FANK1: variants seen among roughly 807,000 people sequenced by gnomAD.
FANK1 encodes the protein fibronectin type 3 and ankyrin repeat domains protein 1.
Under a neutral mutation model 45.3 loss-of-function variants are expected in FANK1, and 44 were observed. The ratio of observed to expected loss-of-function variants is 0.97; its 90% confidence interval spans 0.76 to 1.25. FANK1 has a LOEUF of 1.25. Ranked by LOEUF, FANK1 falls within the 50% of genes most tolerant of loss-of-function variation. FANK1 has a pLI of 0.00. For missense variants in FANK1, 391 were observed against 424.4 expected (o/e 0.92, Z 0.69); for synonymous variants, 149 against 152.5 (o/e 0.98, Z 0.17).
At chr10:126,001,632 T>G (rs562173701) in intron 6 of FANK1, among the ~76,000 whole-genome samples, 49 of 152,270 alleles carry the variant, frequency 3.2e-4, no homozygotes, top group African/African-American at 1.2e-3. Flanking sequence ...GAGCAGCAGA[T>G]AACAGACCCC....
At chr10:125,941,781 C>T (rs1265055532) in intron 1 of FANK1, among the ~76,000 whole-genome samples, 1 of 152,208 alleles carries the variant, frequency 6.6e-6, no homozygotes, top group Admixed American at 6.5e-5. Flanking sequence ...AAACAAGTCT[C>T]AAAATCATAC....
chr10:125,946,117 T>C (rs960835225), intron 1 of FANK1, among the ~76,000 whole-genome samples: 7 of 151,806 alleles, frequency 4.6e-5, no homozygotes, highest in African/African-American at 1.7e-4. Context: ...TACATCACCA[T>C]CATCAAAGAC....
chr10:125,952,341 G>A (rs1949293887), intron 1 of FANK1, among the ~76,000 whole-genome samples: 1 of 152,172 alleles, frequency 6.6e-6, no homozygotes, highest in South Asian at 2.1e-4. Context: ...GTGTTTGGGT[G>A]TTTGCCCGAA....
At chr10:126,008,662 A>G (rs1953423155) in intron 8 of FANK1, 112 bp downstream of exon 8, 2 of 1,268,106 alleles carry the variant, frequency 1.6e-6, no homozygotes, top group Admixed American at 4.9e-5. Flanking sequence ...CTTGGGTTTG[A>G]CTGTGTGTGT....
At chr10:125,969,670 G>A (rs550123965) in intron 1 of FANK1, among the ~76,000 whole-genome samples, 3 of 151,550 alleles carry the variant, frequency 2.0e-5, no homozygotes, top group Admixed American at 6.6e-5. Flanking sequence ...GGTGTTTCTC[G>A]GAGAGGGGGA....
chr10:125,962,625 TTTTTTA>T (rs1169428708), intron 1 of FANK1, among the ~76,000 whole-genome samples: 4 of 152,178 alleles, frequency 2.6e-5, no homozygotes, highest in African/African-American at 7.2e-5. Flanking sequence ...CAATTTTGTA[TTTTTTA>T]TTTTTAACAG....
At chr10:125,951,519 G>A (rs1239346902) in intron 1 of FANK1, among the ~76,000 whole-genome samples, 3 of 152,172 alleles carry the variant, frequency 2.0e-5, no homozygotes, top group Non-Finnish European at 4.4e-5. Context: ...AAACAAGGCT[G>A]TGCTGACTGT....
intron 1 of FANK1, among the ~76,000 whole-genome samples, chr10:125,940,784 C>T (rs928140720): frequency 7.9e-5 from 12 of 152,198 alleles, no homozygotes; most frequent in Admixed American, 5.2e-4. Context: ...TGCGGCTTTC[C>T]GCAGTGCGTT....
chr10:125,936,225 C>A (rs975643504), intron 1 of FANK1, among the ~76,000 whole-genome samples: 2 of 152,054 alleles, frequency 1.3e-5, no homozygotes, highest in African/African-American at 4.8e-5. Context: ...GACAATAATC[C>A]TGATTTCCAT....
intron 1 of FANK1, among the ~76,000 whole-genome samples, chr10:125,910,308 A>G (rs1179468807): frequency 1.3e-5 from 2 of 152,062 alleles, no homozygotes; most frequent in East Asian, 3.9e-4. Context: ...CTTTTTTTAC[A>G]CTTTGTTTTC....
chr10:125,971,022 T>C (rs113758152), intron 1 of FANK1, among the ~76,000 whole-genome samples: 1 of 152,204 alleles, frequency 6.6e-6, no homozygotes, highest in East Asian at 1.9e-4. Flanking sequence ...TTAGCTGTAT[T>C]ATAAAACTTG....
intron 6 of FANK1, among the ~76,000 whole-genome samples, chr10:126,001,581 C>T (rs1952762059): frequency 6.6e-6 from 1 of 152,136 alleles, no homozygotes; most frequent in Admixed American, 6.5e-5. Context: ...GGCCACTCTC[C>T]CCTTCTCCCA....
chr10:125,948,531 T>A (rs576440171), intron 1 of FANK1, among the ~76,000 whole-genome samples: 2 of 152,200 alleles, frequency 1.3e-5, no homozygotes, highest in African/African-American at 4.8e-5. Flanking sequence ...GATAAATTCC[T>A]CAACACATAC....
intron 1 of FANK1, among the ~76,000 whole-genome samples, chr10:125,971,527 TTTCCTTGGGG>T (rs1410285226): frequency 6.6e-6 from 1 of 151,962 alleles, no homozygotes; most frequent in Non-Finnish European, 1.5e-5. Flanking sequence ...CATTTAAAAA[TTTCCTTGGGG>T]TTCAAGCCAG....
chr10:125,903,600 C>CGG (rs111536317), intron 1 of FANK1, among the ~76,000 whole-genome samples: 2 of 144,916 alleles, frequency 1.4e-5, no homozygotes, highest in African/African-American at 5.3e-5. Flanking sequence ...GAAGCTGAGG[C>CGG]GGGGGGACTG....
chr10:125,977,358 G>A (rs1298905438), intron 1 of FANK1, among the ~76,000 whole-genome samples: 14 of 152,188 alleles, frequency 9.2e-5, no homozygotes, highest in Admixed American at 7.2e-4. Flanking sequence ...GTATGTTAAT[G>A]AGGTGTTTTT....
At chr10:125,908,107 C>T (rs1945693956) in intron 1 of FANK1, among the ~76,000 whole-genome samples, 1 of 151,686 alleles carries the variant, frequency 6.6e-6, no homozygotes, top group South Asian at 2.1e-4. Flanking sequence ...AGCAATTCTC[C>T]TGCCTCAGCC....
intron 1 of FANK1, among the ~76,000 whole-genome samples, chr10:125,922,559 C>G (rs1416478308): frequency 6.6e-6 from 1 of 152,200 alleles, no homozygotes. Context: ...CTCTGTTGCC[C>G]AGGCTGGAGC....
chr10:125,924,021 T>C (rs1472517476), intron 1 of FANK1, among the ~76,000 whole-genome samples: 1 of 152,000 alleles, frequency 6.6e-6, no homozygotes, highest in Non-Finnish European at 1.5e-5. Context: ...GAGGCAAAGG[T>C]GGGAGGATCG....
Sources: gnomAD v4.1 joint callset for allele counts (sites outside exome capture counted in the v4.1 genomes callset) on GRCh38, gnomAD v4.1.1 for gene constraint, MANE v1.5 for transcripts, NCBI Gene and HGNC (gene_info 2026-07-23, HGNC 2026-07-21) for gene names.